The following SORCS3 variants were observed in gnomAD, a reference collection of about 807,000 sequenced individuals.
The protein encoded by SORCS3 is VPS10 domain-containing receptor SorCS3.
Under a neutral mutation model 146.3 loss-of-function variants are expected in SORCS3, and 57 were observed. That is an observed-to-expected ratio of 0.39 (90% CI 0.31 to 0.49). SORCS3 has a LOEUF of 0.49. Ranked by LOEUF, SORCS3 falls within the 20% of genes least tolerant of loss-of-function variation. The probability of loss-of-function intolerance (pLI) is 0.92; values close to 1 mark genes in which losing one functional copy is unlikely to be tolerated. For synonymous variants in SORCS3, 653 were observed against 618.5 expected, an observed-to-expected ratio of 1.06 and a Z score of -0.83; for missense variants, 1,341 against 1,575.5, an observed-to-expected ratio of 0.85 and a Z score of 2.52.
chr10:104,722,777 T>C (rs1170693694), intron 1 of SORCS3, among the ~76,000 whole-genome samples: 1 of 152,260 alleles, frequency 6.6e-6, no homozygotes, highest in Non-Finnish European at 1.5e-5. Flanking sequence ...GAGGTGTTTA[T>C]AGTATTCTCT....
intron 5 of SORCS3, 77 bp from the exon 6 acceptor site, chr10:105,089,698 T>C: frequency 9.1e-7 from 1 of 1,103,074 alleles, no homozygotes; most frequent in Non-Finnish European, 1.4e-6. Context: ...GAGTAGCAGT[T>C]GGCCCTGAGT....
chr10:105,262,434 A>C lies in SORCS3; in HGVS notation c.3547A>C (p.Ser1183Arg). ...QSENAPKITL[S>R]DFTEPEELLD... ...TGAAAACGCCCCCAAAATCACACTC[A>C]GTGACTTTACGGAGCCTGAGGAGCT... Residue 1183 changes from serine to arginine, a missense_variant, in exon 26 of 27, where the codon AGT becomes CGT. By Grantham distance (110) the Ser-to-Arg change is moderately radical. Coordinates refer to ENST00000369701, the MANE Select transcript of SORCS3 (RefSeq NM_014978.3). The C allele has an allele frequency of 6.2e-7, 1 of 1,614,066 alleles. No individual in the cohort carries two copies. Among genetic ancestry groups the C allele is most frequent in the Non-Finnish European group, 8.5e-7 (1 of 1,179,956 alleles).
chr10:105,106,994 A>C (rs2055826452), intron 7 of SORCS3, among the ~76,000 whole-genome samples: 1 of 151,964 alleles, frequency 6.6e-6, no homozygotes, highest in South Asian at 2.1e-4. Context: ...TTTAAGGACT[A>C]TTTCCAAGGT....
intron 3 of SORCS3, among the ~76,000 whole-genome samples, chr10:104,933,045 T>G (rs1158949683): frequency 6.6e-6 from 1 of 152,190 alleles, no homozygotes; most frequent in Non-Finnish European, 1.5e-5. Flanking sequence ...GGACAAGTTT[T>G]AATTGTTCCA....
chr10:104,684,837 A>G (rs1433120848), intron 1 of SORCS3, among the ~76,000 whole-genome samples: 3 of 87,946 alleles, frequency 3.4e-5, no homozygotes, highest in Admixed American at 1.9e-4. Flanking sequence ...TTTTTTTATG[A>G]GACACAGTCT....
chr10:104,680,790 C>G (rs1269441817), intron 1 of SORCS3, among the ~76,000 whole-genome samples: 2 of 152,224 alleles, frequency 1.3e-5, no homozygotes, highest in African/African-American at 4.8e-5. Context: ...TGAGGTTTTG[C>G]TCTGTAGGAA....
At chr10:105,122,898 TG>T (rs1426257750) in intron 7 of SORCS3, among the ~76,000 whole-genome samples, 2 of 152,316 alleles carry the variant, frequency 1.3e-5, no homozygotes, top group East Asian at 3.9e-4. Context: ...TGCAGTTGGA[TG>T]GATGTGCAGG....
At chr10:104,867,696 G>A (rs1251600653) in intron 2 of SORCS3, among the ~76,000 whole-genome samples, 1 of 152,050 alleles carries the variant, frequency 6.6e-6, no homozygotes, top group African/African-American at 2.4e-5. Context: ...CTGCTTGCTT[G>A]CCTCATCCCA....
At chr10:105,025,409 T>C (rs767380439) in intron 4 of SORCS3, among the ~76,000 whole-genome samples, 37 of 152,254 alleles carry the variant, frequency 2.4e-4, no homozygotes, top group Non-Finnish European at 5.1e-4. Flanking sequence ...TGGGCTTGCC[T>C]GTTTAGGTTT....
chr10:104,730,262 C>T (rs539916615), intron 1 of SORCS3, among the ~76,000 whole-genome samples: 33 of 152,156 alleles, frequency 2.2e-4, no homozygotes, highest in African/African-American at 2.2e-4. Context: ...CTGTTTGTAT[C>T]GGCATTTTAC....
intron 3 of SORCS3, among the ~76,000 whole-genome samples, chr10:104,936,824 G>A (rs1289591077): frequency 1.3e-5 from 2 of 152,176 alleles, no homozygotes; most frequent in Non-Finnish European, 2.9e-5. Context: ...GCCAGGTACA[G>A]GGATCACCAA....
rs1434812182 is a variant in SORCS3 at position 105,167,246 on chromosome 10, T to C, written c.1810-12T>C. 7 of 1,599,384 alleles carry C rather than the reference T, an allele frequency of 4.4e-6. No homozygotes were observed. Among genetic ancestry groups the C allele is most frequent in the Non-Finnish European group, 1.7e-6 (2 of 1,167,092 alleles). The stretch of plus-strand genomic sequence containing the variant: ...GTTGCTATGATTGTTGTTGTTGTTG[T>C]TGTTGTTCCAGATCTTTGATGAAGA... On this transcript the variant is annotated splice_polypyrimidine_tract_variant and intron_variant, in intron 12 of 26. Transcript: ENST00000369701.
chr10:104,994,720 T>C (rs2055013940), intron 4 of SORCS3, among the ~76,000 whole-genome samples: 2 of 152,342 alleles, frequency 1.3e-5, no homozygotes, highest in Middle Eastern at 3.4e-3. Flanking sequence ...GAACCCTTTT[T>C]TGCACAGCCT....
intron 1 of SORCS3, among the ~76,000 whole-genome samples, chr10:104,716,302 G>A (rs549697201): frequency 1.1e-3 from 175 of 152,222 alleles, no homozygotes; most frequent in African/African-American, 3.0e-3. Flanking sequence ...ATATCTACAC[G>A]GAAGGTCCTC....
At chr10:104,995,501 G>A (rs1284891582) in intron 4 of SORCS3, among the ~76,000 whole-genome samples, 1 of 152,114 alleles carries the variant, frequency 6.6e-6, no homozygotes, top group Non-Finnish European at 1.5e-5. Context: ...GCTCATTGTG[G>A]TTGTAATTTC....
chr10:105,211,085 A>T, intron 16 of SORCS3, 52 bp from the exon 17 acceptor site: 1 of 1,298,226 alleles, frequency 7.7e-7, no homozygotes. Flanking sequence ...GCCTGCGGTT[A>T]TTTTAGCGTT....
intron 6 of SORCS3, among the ~76,000 whole-genome samples, chr10:105,104,057 T>G (rs1308256853): frequency 6.6e-6 from 1 of 151,636 alleles, no homozygotes; most frequent in African/African-American, 2.4e-5. Flanking sequence ...ACCCATAGTT[T>G]AATCTCAATT....
At chr10:104,961,724 G>C (rs964587259) in intron 3 of SORCS3, among the ~76,000 whole-genome samples, 1 of 152,162 alleles carries the variant, frequency 6.6e-6, no homozygotes, top group African/African-American at 2.4e-5. Flanking sequence ...TCAGGTAAAG[G>C]TTTTGCTGAC....
At chr10:105,171,953 C>G (rs941103922) in intron 13 of SORCS3, among the ~76,000 whole-genome samples, 1 of 152,142 alleles carries the variant, frequency 6.6e-6, no homozygotes, top group Admixed American at 6.6e-5. Context: ...CAAAAAGTTA[C>G]CTCACTTTAC....
Sources: gnomAD v4.1 joint callset for allele counts (sites outside exome capture counted in the v4.1 genomes callset) on GRCh38, gnomAD v4.1.1 for gene constraint, MANE v1.5 for transcripts, NCBI Gene and HGNC (gene_info 2026-07-23, HGNC 2026-07-21) for gene names.